Variants in PER3 observed in about 807,000 individuals in gnomAD.
PER3 encodes period circadian protein homolog 3.
In PER3, 107 loss-of-function variants were observed where a neutral mutation model predicts 127.2. That is an observed-to-expected ratio of 0.84 (90% CI 0.72 to 0.99). The LOEUF (loss-of-function observed/expected upper bound fraction) is 0.99. Ranked by LOEUF, PER3 falls within the 50% of genes least tolerant of loss-of-function variation. The pLI, the probability that PER3 is intolerant of heterozygous loss-of-function variation, is 0.00. For synonymous variants in PER3, 618 were observed against 585.8 expected (o/e 1.05, Z -0.79); for missense variants, 1,560 against 1,525.8 (o/e 1.02, Z -0.37).
At chr1:7,838,091 A>T (rs1004292170) in intron 21 of PER3, among the ~76,000 whole-genome samples, 11 of 152,172 alleles carry the variant, frequency 7.2e-5, no homozygotes, top group East Asian at 3.9e-4. Flanking sequence ...AAATATTTTT[A>T]AAAAAGAGAG....
rs1158221547 is a variant in PER3 at position 7,798,517 on chromosome 1, C to G, written c.645-8C>G. The G allele has an allele frequency of 6.2e-7, 1 of 1,611,018 alleles. No homozygotes were observed. Among genetic ancestry groups the G allele is most frequent in the Admixed American group, 1.7e-5 (1 of 59,780 alleles). ...CAGGACCAGCACTAATATCTTTAATCTCCTCAGTGGAGGTGAAGACAGAAA... is the reference window on the plus strand; with the variant it reads ...CAGGACCAGCACTAATATCTTTAATGTCCTCAGTGGAGGTGAAGACAGAAA... On this transcript the variant is annotated splice_region_variant and splice_polypyrimidine_tract_variant and intron_variant, in intron 6 of 21. Transcript: ENST00000377532.
At chr1:7,815,155 A>G (rs1384604631) in intron 13 of PER3, among the ~76,000 whole-genome samples, 1 of 152,206 alleles carries the variant, frequency 6.6e-6, no homozygotes, top group East Asian at 1.9e-4. Context: ...TGGAACAAAC[A>G]GAAAACAGCT....
chr1:7,801,309 T>A, intron 8 of PER3, 118 bp downstream of exon 8: 1 of 608,434 alleles, frequency 1.6e-6, no homozygotes, highest in Non-Finnish European at 2.9e-6. Context: ...TCCATTTGCC[T>A]ATTTGATTTT....
At chr1:7,817,580 G>A (rs546051711) in intron 13 of PER3, among the ~76,000 whole-genome samples, 7 of 152,282 alleles carry the variant, frequency 4.6e-5, no homozygotes, top group South Asian at 2.1e-4. Context: ...TATAGATAAC[G>A]ATGACCAGAC....
intron 21 of PER3, 129 bp from the exon 22 acceptor site, chr1:7,842,543 C>A: frequency 2.2e-6 from 2 of 904,090 alleles, no homozygotes; most frequent in Non-Finnish European, 3.0e-6. Flanking sequence ...AAAGAATGAA[C>A]TATAATGAAA....
At position 7,784,932 on chromosome 1, in the gene PER3, C is replaced by T. The variant is rs1217027094; in HGVS notation, c.55C>T (p.Leu19=). 1 of 1,539,956 alleles carries T rather than the reference C, an allele frequency of 6.5e-7. No homozygotes were observed. Among genetic ancestry groups the T allele is most frequent in the Admixed American group, 2.4e-5 (1 of 41,398 alleles). ...PGRRGAKDEA[L]GEESGERWSP... is the part of the protein sequence containing the mutation. ...GAGACGGGGGGCTAAGGACGAGGCCCTGGGCGAAGAATCGGGGGAGCGGTG... is the reference window on the plus strand; with the variant it reads ...GAGACGGGGGGCTAAGGACGAGGCCTTGGGCGAAGAATCGGGGGAGCGGTG... The change falls in exon 2 of 22, where the codon CTG becomes TTG. Residue 19 remains leucine, a synonymous_variant. Coordinates refer to ENST00000377532, the MANE Select transcript of PER3 (RefSeq NM_001377275.1).
In PER3 at chr1:7,809,958, T is replaced by C; in HGVS notation, c.1308T>C (p.Leu436=). 1 of 1,614,058 alleles carries C rather than the reference T, an allele frequency of 6.2e-7. No homozygotes were observed. Among genetic ancestry groups the C allele is most frequent in the Non-Finnish European group, 8.5e-7 (1 of 1,179,916 alleles). Residue 436 remains leucine, a synonymous_variant, in exon 12 of 22, where the codon CTT becomes CTC. Coordinates refer to ENST00000377532, the MANE Select transcript of PER3 (RefSeq NM_001377275.1). The part of the protein sequence containing the change: ...SLGSSGSQEQ[L]VSIASSSEAS... The stretch of plus-strand genomic sequence containing the variant: ...GGAGCAGCGGGTCGCAGGAGCAGCT[T>C]GTCAGCATCGCCTCCTCCAGTGAGG...
chr1:7,843,884 T>C lies in PER3; in HGVS notation c.*1129T>C, dbSNP rs757501150. Reference sequence around the variant, plus strand: ...GTTTACTTGATAAATCAGCTCACTCTCTGGTGCTTTTTAGAGAAGTCCCTG... The same window carrying C: ...GTTTACTTGATAAATCAGCTCACTCCCTGGTGCTTTTTAGAGAAGTCCCTG... On this transcript the variant is annotated 3_prime_UTR_variant, in exon 22 of 22. Transcript: ENST00000377532. 50 of 1,257,916 alleles carry C rather than the reference T, an allele frequency of 4.0e-5. No homozygotes were observed. Among genetic ancestry groups the C allele is most frequent in the Non-Finnish European group, 4.8e-5 (47 of 969,698 alleles). The allele number at this position is 1,257,916 out of a possible 1,614,324, so 77.9% of individuals were successfully genotyped here.
Position 7,788,053 on chromosome 1 carries a change from T to C in PER3, c.399T>C (p.Phe133=), listed in dbSNP as rs1042338429. 17 of 1,608,158 alleles carry C rather than the reference T, an allele frequency of 1.1e-5. No individual in the cohort carries two copies. The highest frequency in any genetic ancestry group is 1.4e-5 in the Non-Finnish European group (16 of 1,174,526). Residue 133 remains phenylalanine (F), a synonymous_variant, in exon 5 of 22, where the codon TTT becomes TTC. Coordinates refer to ENST00000377532, the MANE Select transcript of PER3 (RefSeq NM_001377275.1). ...TTAAATGTTTTTCATAGGATACCTT[T>C]GTGGCAGTATTTTCATTTCTGTCTG... ...SEHTSKNTDT[F]VAVFSFLSGR...
Position 7,827,303 on chromosome 1 carries a change from A to G in PER3, c.2374A>G (p.Thr792Ala), listed in dbSNP as rs759313797. 2 of 1,613,456 alleles carry G rather than the reference A, an allele frequency of 1.2e-6. No individual in the cohort carries two copies. Among genetic ancestry groups the G allele is most frequent in the Admixed American group, 3.3e-5 (2 of 59,980 alleles). The change falls in exon 18 of 22, where the codon ACC becomes GCC. Residue 792 changes from threonine (T) to alanine (A), a missense_variant. Coordinates refer to ENST00000377532, the MANE Select transcript of PER3 (RefSeq NM_001377275.1). ...AASSPHTSSPTFPPAAMVPSQ... is the reference protein window; with the variant it reads ...AASSPHTSSPAFPPAAMVPSQ... The stretch of plus-strand genomic sequence containing the variant: ...CTCCTCTCCGCACACCTCGAGCCCG[A>G]CCTTCCCACCTGCCGCCATGGTGCC...
At chr1:7,806,613 C>A (rs1278220190) in intron 10 of PER3, among the ~76,000 whole-genome samples, 1 of 151,304 alleles carries the variant, frequency 6.6e-6, no homozygotes, top group African/African-American at 2.4e-5. Flanking sequence ...GATAGTGAGA[C>A]CCCTTCTCTA....
Position 7,803,171 on chromosome 1 carries a change from T to C in PER3, c.979+18T>C, listed in dbSNP as rs768603006. ...CCAAAAAGGTCAGGACCTACTCCTT[T>C]ATAGGAGGAAATATTTTTCTCTCAT... is the stretch of plus-strand genomic sequence containing the variant. On this transcript the variant is annotated intron_variant, in intron 9 of 21. Coordinates refer to ENST00000377532, the MANE Select transcript of PER3 (RefSeq NM_001377275.1). 1.8e-5 allele frequency: 24 copies of C among 1,354,936 alleles called. No individual in the cohort carries two copies. The South Asian group carries it at 2.7e-4, about 15-fold the overall frequency. 83.9% of individuals were successfully genotyped at this position (1,354,936 alleles called of 1,614,324 possible).
chr1:7,808,951 A>C lies in PER3; in HGVS notation c.1195A>C (p.Lys399Gln), dbSNP rs2097207466. 6.3e-7 allele frequency: 1 copy of C among 1,599,194 alleles called. No homozygotes were observed. The highest frequency in any genetic ancestry group is 1.1e-5 in the South Asian group (1 of 90,400). ...AATTAAAAAGATGAACGATAATGAC[A>C]AAGACATAACAGAATTACAAGAACA... Reference protein sequence around the residue: ...TKIKKMNDNDKDITELQEQIY... With the variant: ...TKIKKMNDNDQDITELQEQIY... Residue 399 changes from lysine (K) to glutamine (Q), a missense_variant, in exon 11 of 22, where the codon AAA becomes CAA. Coordinates refer to ENST00000377532, the MANE Select transcript of PER3 (RefSeq NM_001377275.1).
At chr1:7,787,720 G>A in intron 4 of PER3, 2 of 367,346 alleles carry the variant, frequency 5.4e-6, no homozygotes, top group South Asian at 2.4e-5. Flanking sequence ...TAGAATCTGC[G>A]TTGATGACGA....
At chr1:7,834,085 AT>A (rs1314601307) in intron 19 of PER3, among the ~76,000 whole-genome samples, 37 of 151,800 alleles carry the variant, frequency 2.4e-4, no homozygotes, top group Non-Finnish European at 4.9e-4. Flanking sequence ...ACCACGCCTA[AT>A]TTTTTGTATT....
intron 16 of PER3, among the ~76,000 whole-genome samples, chr1:7,825,019 A>C (rs1577889371): frequency 1.3e-5 from 2 of 149,398 alleles, no homozygotes; most frequent in Admixed American, 1.3e-4. Flanking sequence ...AGTGTCTGAA[A>C]CCTATTATTT....
intron 9 of PER3, among the ~76,000 whole-genome samples, 173 bp from the exon 10 acceptor site, chr1:7,803,519 C>T (rs892180752): frequency 2.6e-5 from 4 of 151,778 alleles, no homozygotes; most frequent in African/African-American, 4.8e-5. Context: ...ACCTGGGAGG[C>T]GGAAGTTGCA....
chr1:7,784,412 G>A (rs2097074039), intron 1 of PER3, 36 bp downstream of exon 1: 1 of 152,336 alleles, frequency 6.6e-6, no homozygotes, highest in South Asian at 2.1e-4. Context: ...CTGGGCGGCC[G>A]GGCGGGAGTT....
chr1:7,811,078 A>T (rs2097217230), intron 13 of PER3, among the ~76,000 whole-genome samples: 1 of 152,238 alleles, frequency 6.6e-6, no homozygotes, highest in Non-Finnish European at 1.5e-5. Context: ...AAAGAGCTGG[A>T]TCAGTAGTAA....
Sources: gnomAD v4.1 joint callset for allele counts (sites outside exome capture counted in the v4.1 genomes callset) on GRCh38, gnomAD v4.1.1 for gene constraint, MANE v1.5 for transcripts, NCBI Gene and HGNC (gene_info 2026-07-23, HGNC 2026-07-21) for gene names.